Variants in SPICE1 observed in about 807,000 individuals in gnomAD.
The protein encoded by SPICE1 is spindle and centriole-associated protein 1.
In SPICE1, 75 loss-of-function variants were observed where a neutral mutation model predicts 102.7. The ratio of observed to expected loss-of-function variants is 0.73; its 90% CI spans 0.61 to 0.88. SPICE1 has a LOEUF of 0.88. Among genes scored for constraint, SPICE1 ranks in the 40% least tolerant of loss-of-function variants. The probability of loss-of-function intolerance (pLI) is 0.00; values close to 1 mark genes in which losing one functional copy is unlikely to be tolerated. For missense variants in SPICE1, 979 were observed against 1,020.1 expected (o/e 0.96, Z 0.55); for synonymous variants, 308 against 350.3 (o/e 0.88, Z 1.35).
intron 17 of SPICE1, among the ~76,000 whole-genome samples, chr3:113,446,088 T>C (rs1481309490): frequency 2.0e-5 from 3 of 152,198 alleles, no homozygotes; most frequent in African/African-American, 4.8e-5. Flanking sequence ...CTATGGCACA[T>C]CAAAATACAT....
chr3:113,445,408 G>A, intron 17 of SPICE1, 48 bp from the exon 18 acceptor site: 7 of 1,486,382 alleles, frequency 4.7e-6, no homozygotes, highest in Non-Finnish European at 6.6e-6. Flanking sequence ...TTAGAAACAT[G>A]AGACTACTCA....
intron 15 of SPICE1, chr3:113,449,369 GTTAA>G (rs1935593619): frequency 6.6e-6 from 1 of 152,038 alleles, no homozygotes; most frequent in African/African-American, 2.4e-5. Context: ...TTCATATATA[GTTAA>G]TTGATTTATT....
chr3:113,481,423 T>C (rs1056946215), intron 7 of SPICE1, among the ~76,000 whole-genome samples: 5 of 151,762 alleles, frequency 3.3e-5, no homozygotes, highest in Admixed American at 6.6e-5. Context: ...TAGTTTTTTT[T>C]TTATTATTAT....
In SPICE1 at chr3:113,514,883, AC is replaced by A; in HGVS notation, c.-1+13del. On this transcript the variant is annotated intron_variant, in intron 1 of 17. Coordinates refer to ENST00000295872, the MANE Select transcript of SPICE1 (RefSeq NM_144718.4). ...CACGCACAAACATACCCAGACACGC[AC>A]CCTGACACGTACTTGCACTCTCAAA... 1.7e-6 allele frequency: 2 copies of A among 1,202,242 alleles called. No homozygotes were observed. The highest frequency in any genetic ancestry group is 2.1e-6 in the Non-Finnish European group (2 of 947,414). The allele number at this position is 1,202,242 out of a possible 1,614,324, so 74.5% of individuals were successfully genotyped here.
At chr3:113,447,665 T>C (rs1184836720) in intron 16 of SPICE1, among the ~76,000 whole-genome samples, 1 of 152,166 alleles carries the variant, frequency 6.6e-6, no homozygotes, top group African/African-American at 2.4e-5. Flanking sequence ...ACCAATCATA[T>C]GACCCATCTA....
At chr3:113,508,876 T>C (rs928517556) in intron 1 of SPICE1, among the ~76,000 whole-genome samples, 1 of 152,176 alleles carries the variant, frequency 6.6e-6, no homozygotes, top group Admixed American at 6.5e-5. Flanking sequence ...CTGATGAATG[T>C]ATTAATAAAA....
chr3:113,514,674 GA>G, intron 1 of SPICE1: 1 of 874,142 alleles, frequency 1.1e-6, no homozygotes, highest in Non-Finnish European at 1.6e-6. Flanking sequence ...AGCCTTCTGA[GA>G]AGCCCCTCTG....
intron 11 of SPICE1, among the ~76,000 whole-genome samples, chr3:113,463,610 G>A (rs1473204690): frequency 1.3e-5 from 2 of 152,184 alleles, no homozygotes; most frequent in African/African-American, 4.8e-5. Context: ...ACTGATACAT[G>A]CTAAACATAA....
At chr3:113,449,447 T>G (rs1280660929) in intron 15 of SPICE1, 1 of 152,230 alleles carries the variant, frequency 6.6e-6, no homozygotes, top group Non-Finnish European at 1.5e-5. Context: ...AAACTGTCAT[T>G]TGAGGAAGCC....
intron 7 of SPICE1, among the ~76,000 whole-genome samples, chr3:113,470,562 G>A (rs1936171122): frequency 6.6e-6 from 1 of 152,200 alleles, no homozygotes; most frequent in African/African-American, 2.4e-5. Flanking sequence ...AAGGAAGGGT[G>A]CTAGACTCAA....
At chr3:113,485,989 G>A (rs556184102) in intron 7 of SPICE1, among the ~76,000 whole-genome samples, 11 of 152,120 alleles carry the variant, frequency 7.2e-5, no homozygotes, top group Admixed American at 4.6e-4. Flanking sequence ...GCGCATGCCT[G>A]TAATCCAGTT....
intron 7 of SPICE1, among the ~76,000 whole-genome samples, chr3:113,475,128 A>G (rs1486969598): frequency 6.6e-6 from 1 of 152,212 alleles, no homozygotes. Flanking sequence ...CAGAAATACA[A>G]ACTACCCTCA....
intron 6 of SPICE1, among the ~76,000 whole-genome samples, chr3:113,492,315 T>C (rs1165085908): frequency 6.6e-6 from 1 of 152,202 alleles, no homozygotes; most frequent in Non-Finnish European, 1.5e-5. Flanking sequence ...CTCTAATTGA[T>C]GATTCTCTTC....
chr3:113,505,102 T>C (rs546868552), intron 2 of SPICE1, among the ~76,000 whole-genome samples: 1 of 152,274 alleles, frequency 6.6e-6, no homozygotes, highest in African/African-American at 2.4e-5. Flanking sequence ...CCTAATTGGC[T>C]CTCCATATCT....
At position 113,454,082 on chromosome 3, in the gene SPICE1, A is replaced by T; in HGVS notation, c.1658-132T>A. ...AAGGGTTTGGCTTCTGAATGCTTAA[A>T]CTATTTTCAGCAGAGAACACACCAG... On this transcript the variant is annotated intron_variant, in intron 13 of 17. Coordinates refer to ENST00000295872, the MANE Select transcript of SPICE1 (RefSeq NM_144718.4). 3.6e-6 allele frequency: 3 copies of T among 822,446 alleles called. No homozygotes were observed. In the East Asian group the frequency reaches 8.1e-5, roughly 22 times the overall value. The allele number at this position is 822,446 out of a possible 1,614,324, so 50.9% of individuals were successfully genotyped here. A position where few individuals can be genotyped will look rare whatever the true frequency, so the allele number is the denominator to read the frequency against.
intron 1 of SPICE1, among the ~76,000 whole-genome samples, chr3:113,513,985 CCTAA>C (rs1467658714): frequency 3.9e-5 from 6 of 152,294 alleles, no homozygotes; most frequent in African/African-American, 1.2e-4. Flanking sequence ...CATGAAAGTA[CCTAA>C]CTAACTCTAT....
intron 13 of SPICE1, among the ~76,000 whole-genome samples, chr3:113,455,800 G>A (rs1935766404): frequency 1.3e-5 from 2 of 152,344 alleles, no homozygotes; most frequent in South Asian, 2.1e-4. Flanking sequence ...CAAACTTGCT[G>A]AAGATATTAA....
Position 113,465,718 on chromosome 3 carries a change from G to A in SPICE1, c.1222C>T (p.Arg408Ter), listed in dbSNP as rs773360228. Residue 408 changes from arginine to a stop codon, truncating the protein, a stop_gained, in exon 11 of 18, where the codon CGA (arginine) becomes TGA (stop). Transcript: ENST00000295872. LOFTEE classifies it high-confidence loss of function. ...QQLEQVLGDH[R>*]ELIDALTAEI... ...GCTGTCAGAGCATCAATGAGCTCTC[G>A]ATGATCACCTAATACTTGTTCCAGT... The A allele has an allele frequency of 1.9e-6, 3 of 1,613,538 alleles. No homozygotes were observed. The highest frequency in any genetic ancestry group is 2.2e-5 in the East Asian group (1 of 44,830).
At chr3:113,467,632 A>AT (rs1395374754) in intron 10 of SPICE1, among the ~76,000 whole-genome samples, 8 of 152,184 alleles carry the variant, frequency 5.3e-5, no homozygotes, top group Admixed American at 5.2e-4. Context: ...TTTATAAATT[A>AT]TTTTTACAAC....
Sources: gnomAD v4.1 joint callset for allele counts (sites outside exome capture counted in the v4.1 genomes callset) on GRCh38, gnomAD v4.1.1 for gene constraint, MANE v1.5 for transcripts, NCBI Gene and HGNC (gene_info 2026-07-23, HGNC 2026-07-21) for gene names.